The following PER3 variants were observed in gnomAD, a reference collection of about 807,000 sequenced individuals.
PER3 encodes period circadian regulator 3.
In PER3, 107 loss-of-function variants were observed where a neutral mutation model predicts 127.2. The observed-to-expected ratio is 0.84, with a 90% CI of 0.72 to 0.99. The LOEUF (loss-of-function observed/expected upper bound fraction) is 0.99, where lower values mean the gene tolerates loss of function less well. Among genes scored for constraint, PER3 ranks in the 50% least tolerant of loss-of-function variants. The pLI is 0.00. For synonymous variants in PER3, 618 were observed against 585.8 expected, an observed-to-expected ratio of 1.05 and a Z score of -0.79; for missense variants, 1,560 against 1,525.8, an observed-to-expected ratio of 1.02 and a Z score of -0.37.
chr1:7,789,216 TAAA>T (rs2097107484), intron 5 of PER3, among the ~76,000 whole-genome samples: 1 of 151,480 alleles, frequency 6.6e-6, no homozygotes, highest in Non-Finnish European at 1.5e-5. Flanking sequence ...TTCATTGTAG[TAAA>T]AAACACATAC....
chr1:7,812,624 CAAAAAAAA>C (rs35962033), intron 13 of PER3, among the ~76,000 whole-genome samples: 32 of 85,408 alleles, frequency 3.7e-4, no homozygotes, highest in African/African-American at 5.8e-4. Flanking sequence ...GACTCCGTCT[CAAAAAAAA>C]AAAAAAAAAA....
rs1448662492 is a variant in PER3, at chr1:7,810,025, C to G, written c.1371+4C>G. ...GGAGGAGACGAAGGCGGAGCAGGTG[C>G]ATGGGCTTATGTCACATTCTTATAC... is the stretch of plus-strand genomic sequence containing the variant. On this transcript the variant is annotated splice_donor_region_variant and intron_variant, in intron 12 of 21. Transcript: ENST00000377532. The G allele has an allele frequency of 6.2e-7, 1 of 1,612,216 alleles. No individual in the cohort carries two copies. The highest frequency in any genetic ancestry group is 8.5e-7 in the Non-Finnish European group (1 of 1,178,940).
chr1:7,831,976 A>T (rs1431716986), intron 19 of PER3, among the ~76,000 whole-genome samples: 3 of 151,888 alleles, frequency 2.0e-5, no homozygotes, highest in Non-Finnish European at 2.9e-5. Flanking sequence ...TTTTCTTTGT[A>T]AGTTTGGTAG....
chr1:7,793,653 A>G lies in PER3; in HGVS notation c.593-304A>G, dbSNP rs571957877. ...AATAATTGTGTCCAAGGATCATTACATTGACCTTTGAGATGATGAACATGG... is the reference window on the plus strand; with the variant it reads ...AATAATTGTGTCCAAGGATCATTACGTTGACCTTTGAGATGATGAACATGG... On this transcript the variant is annotated intron_variant, in intron 5 of 21. Transcript: ENST00000377532. Among the ~76,000 whole-genome samples, 6 of 152,336 alleles carry G rather than the reference A, an allele frequency of 3.9e-5. No individual in the cohort carries two copies. In the South Asian group the frequency reaches 1.0e-3, roughly 26 times the overall value.
intron 21 of PER3, among the ~76,000 whole-genome samples, chr1:7,840,597 T>A (rs1577995577): frequency 6.8e-6 from 1 of 148,122 alleles, no homozygotes; most frequent in Non-Finnish European, 1.5e-5. Flanking sequence ...GGATTATAGG[T>A]ATGAGCCACC....
In PER3 at chr1:7,819,308, T is replaced by C. The variant is rs2097265310; in HGVS notation, c.1546T>C (p.Phe516Leu). 1 of 1,613,750 alleles carries C rather than the reference T, an allele frequency of 6.2e-7. No homozygotes were observed. Among genetic ancestry groups the C allele is most frequent in the South Asian group, 1.1e-5 (1 of 91,062 alleles). Residue 516 changes from phenylalanine to leucine, a missense_variant, in exon 14 of 22, where the codon TTC (phenylalanine) becomes CTC (leucine). Transcript: ENST00000377532. ...AGGTGAATGTAAGACCTTTACTTCC[T>C]TCCACCAAACACTGAAAAACAATAG... is the stretch of plus-strand genomic sequence containing the variant. Reference protein sequence around the residue: ...GGGECKTFTSFHQTLKNNSVY... With the variant: ...GGGECKTFTSLHQTLKNNSVY...
In PER3 at chr1:7,788,202, C is replaced by T; in HGVS notation, c.548C>T (p.Thr183Ile). 6.2e-7 allele frequency: 1 copy of T among 1,614,096 alleles called. No homozygotes were observed. Among genetic ancestry groups the T allele is most frequent in the Non-Finnish European group, 8.5e-7 (1 of 1,179,964 alleles). Reference sequence around the variant, plus strand: ...GACATGAGGGTATTCTACGCGCACACTGCCAGAGCTCAGCTTCCTTTCTGG... The same window carrying T: ...GACATGAGGGTATTCTACGCGCACATTGCCAGAGCTCAGCTTCCTTTCTGG... ...PQDMRVFYAHTARAQLPFWNN... is the reference protein window; with the variant it reads ...PQDMRVFYAHIARAQLPFWNN... Residue 183 changes from threonine (T) to isoleucine (I), a missense_variant, in exon 5 of 22, where the codon ACT becomes ATT. Coordinates refer to ENST00000377532, the MANE Select transcript of PER3 (RefSeq NM_001377275.1).
intron 16 of PER3, among the ~76,000 whole-genome samples, chr1:7,824,767 G>A (rs1405468337): frequency 6.6e-6 from 1 of 152,160 alleles, no homozygotes; most frequent in Non-Finnish European, 1.5e-5. Context: ...ACAAAGGCGA[G>A]ACCTTCCTGA....
At position 7,806,840 on chromosome 1, in the gene PER3, A is replaced by ATAT. The variant is rs1553309980; in HGVS notation, c.1137-2051_1137-2050insTTA. ...ATATATATATATATATATATATTACATACACACACACACATACATACACAA... is the reference window on the plus strand; with the variant it reads ...ATATATATATATATATATATATTACATATTACACACACACACATACATACACAA... On this transcript the variant is annotated intron_variant, in intron 10 of 21. Coordinates refer to ENST00000377532, the MANE Select transcript of PER3 (RefSeq NM_001377275.1). Among the ~76,000 whole-genome samples, 17 of 114,340 alleles carry ATAT rather than the reference A, an allele frequency of 1.5e-4. No homozygotes were observed. The East Asian group carries it at 2.2e-3, about 15-fold the overall frequency. The allele number at this position is 114,340 out of a possible 152,430, so 75.0% of individuals were successfully genotyped here. A position where few individuals can be genotyped will look rare whatever the true frequency, so the allele number is the denominator to read the frequency against.
rs1240250720 is a variant in PER3 at position 7,843,988 on chromosome 1, T to C, written c.*1233T>C. 1 of 1,255,992 alleles carries C rather than the reference T, an allele frequency of 8.0e-7. No homozygotes were observed. The highest frequency in any genetic ancestry group is 1.0e-6 in the Non-Finnish European group (1 of 965,916). The allele number at this position is 1,255,992 out of a possible 1,614,324, so 77.8% of individuals were successfully genotyped here. A position where few individuals can be genotyped will look rare whatever the true frequency, so the allele number is the denominator to read the frequency against. On this transcript the variant is annotated 3_prime_UTR_variant, in exon 22 of 22. Coordinates refer to ENST00000377532, the MANE Select transcript of PER3 (RefSeq NM_001377275.1). The stretch of plus-strand genomic sequence containing the variant: ...AAAAACAAATAGAAGAAAATGAGGG[T>C]TACAGTAACCTGTTGTCTTTATATA...
chr1:7,794,216 C>T (rs2097134970), intron 6 of PER3, among the ~76,000 whole-genome samples: 1 of 152,164 alleles, frequency 6.6e-6, no homozygotes, highest in Admixed American at 6.5e-5. Context: ...AGGCTGGGCA[C>T]AGTGGCTCAC....
At chr1:7,796,123 C>T (rs576637072) in intron 6 of PER3, among the ~76,000 whole-genome samples, 38 of 152,262 alleles carry the variant, frequency 2.5e-4, no homozygotes, top group Admixed American at 5.2e-4. Flanking sequence ...TGAGACACCC[C>T]AGACCCATTT....
At chr1:7,819,983 G>A (rs2097268331) in intron 14 of PER3, 132 bp from the exon 15 acceptor site, 2 of 857,044 alleles carry the variant, frequency 2.3e-6, no homozygotes, top group Admixed American at 2.3e-5. Flanking sequence ...GGCTGGGATG[G>A]TCAGGGAAGA....
chr1:7,816,211 A>G (rs2097250706), intron 13 of PER3, among the ~76,000 whole-genome samples: 3 of 152,114 alleles, frequency 2.0e-5, no homozygotes, highest in African/African-American at 7.2e-5. Context: ...TAAGAAGGAA[A>G]TAATAAAGAC....
intron 16 of PER3, among the ~76,000 whole-genome samples, chr1:7,822,768 C>A (rs2151066896): frequency 6.6e-6 from 1 of 152,180 alleles, no homozygotes; most frequent in South Asian, 2.1e-4. Flanking sequence ...AATTAAAAGG[C>A]AAAAATTGGG....
chr1:7,818,022 A>G (rs1448661556), intron 13 of PER3, among the ~76,000 whole-genome samples: 1 of 152,150 alleles, frequency 6.6e-6, no homozygotes, highest in Admixed American at 6.5e-5. Context: ...CCTCCGCCGC[A>G]TTCTCTCCCC....
intron 14 of PER3, among the ~76,000 whole-genome samples, chr1:7,819,682 A>G (rs2097266866): frequency 6.6e-6 from 1 of 152,218 alleles, no homozygotes; most frequent in African/African-American, 2.4e-5. Flanking sequence ...GTGTAAGGCA[A>G]GCTTCTCCAA....
At position 7,844,226 on chromosome 1, in the gene PER3, C is replaced by CT. The variant is rs1178445183; in HGVS notation, c.*1473dup. On this transcript the variant is annotated 3_prime_UTR_variant, in exon 22 of 22. Transcript: ENST00000377532. The stretch of plus-strand genomic sequence containing the variant: ...GTGGCTTTCTGGATGGTAATTCCAT[C>CT]TTAAGGTGTCAGAACTATTTTCAAA... 1.7e-5 allele frequency: 3 copies of CT among 181,288 alleles called. No homozygotes were observed. Among genetic ancestry groups the CT allele is most frequent in the Non-Finnish European group, 3.5e-5 (3 of 86,232 alleles). 11.2% of individuals were successfully genotyped at this position (181,288 alleles called of 1,614,324 possible).
chr1:7,812,579 C>G (rs1055593697), intron 13 of PER3, among the ~76,000 whole-genome samples: 3 of 139,512 alleles, frequency 2.2e-5, no homozygotes, highest in Non-Finnish European at 3.0e-5. Flanking sequence ...GAGCCGAGAT[C>G]GCGCCACTGC....
Sources: gnomAD v4.1 joint callset for allele counts (sites outside exome capture counted in the v4.1 genomes callset) on GRCh38, gnomAD v4.1.1 for gene constraint, MANE v1.5 for transcripts, NCBI Gene and HGNC (gene_info 2026-07-23, HGNC 2026-07-21) for gene names.